HACD3: variants seen among roughly 807,000 people sequenced by gnomAD.
HACD3 encodes very-long-chain (3R)-3-hydroxyacyl-CoA dehydratase 3.
In HACD3, 30 loss-of-function variants were observed where a neutral mutation model predicts 55.2. The observed-to-expected ratio is 0.54, with a 90% CI of 0.41 to 0.74. The LOEUF is 0.74. HACD3 is among the 30% of genes least tolerant of loss of function. HACD3 has a pLI of 0.00. For missense variants in HACD3, 363 were observed against 440.1 expected (o/e 0.82, Z 1.57); for synonymous variants, 141 against 151.7 (o/e 0.93, Z 0.52).
Position 65,538,937 on chromosome 15 carries a change from G to C in HACD3, c.87+8219G>C, listed in dbSNP as rs150984076. On this transcript the variant is annotated intron_variant, in intron 1 of 10. Coordinates refer to ENST00000261875, the MANE Select transcript of HACD3 (RefSeq NM_016395.4). The stretch of plus-strand genomic sequence containing the variant: ...TAGCAATGAAATATTTTAAAGTTAA[G>C]GTATGTACACTGTTTTTTAGAATAA... 3.5e-3 allele frequency among the ~76,000 whole-genome samples: 530 copies of C among 152,168 alleles called. 3 individuals are homozygous for C. The highest frequency in any genetic ancestry group is 0.012 in the African/African-American group (511 of 41,526).
intron 1 of HACD3, among the ~76,000 whole-genome samples, chr15:65,545,200 C>A (rs561648605): frequency 1.3e-5 from 2 of 152,130 alleles, no homozygotes; most frequent in African/African-American, 4.8e-5. Flanking sequence ...GTGGAAAGTT[C>A]TGGCAGTCAC....
At chr15:65,535,912 A>C in intron 1 of HACD3, 1 of 450,082 alleles carries the variant, frequency 2.2e-6, no homozygotes, top group Non-Finnish European at 4.0e-6. Context: ...CTGGTCTTGA[A>C]CTCCTGGACT....
chr15:65,555,220 C>G (rs114174478), intron 3 of HACD3, among the ~76,000 whole-genome samples: 115 of 152,250 alleles, frequency 7.6e-4, no homozygotes, highest in African/African-American at 2.6e-3. Flanking sequence ...TTCTGGTGTT[C>G]TCATGTGTTA....
At chr15:65,551,492 G>A (rs182479168) in intron 1 of HACD3, among the ~76,000 whole-genome samples, 184 bp from the exon 2 acceptor site, 25 of 152,326 alleles carry the variant, frequency 1.6e-4, no homozygotes, top group Admixed American at 1.2e-3. Flanking sequence ...TCTTAGATAG[G>A]TACAGACAGA....
chr15:65,570,272 G>T, intron 8 of HACD3, 69 bp downstream of exon 8: 2 of 1,146,882 alleles, frequency 1.7e-6, no homozygotes, highest in Non-Finnish European at 2.6e-6. Context: ...TCTTGAGGGA[G>T]TTGTTATCTT....
At chr15:65,563,920 A>G (rs1167249118) in intron 6 of HACD3, among the ~76,000 whole-genome samples, 2 of 152,092 alleles carry the variant, frequency 1.3e-5, no homozygotes, top group East Asian at 3.9e-4. Context: ...CAGTGAGCCA[A>G]GATCGTGCCA....
chr15:65,530,555 G>A lies in HACD3; in HGVS notation c.-77G>A, dbSNP rs930542131. On this transcript the variant is annotated 5_prime_UTR_variant, in exon 1 of 11. Transcript: ENST00000261875. ...CGCTAGGGTTTGAGGCCTGCTTTCT[G>A]CTCGCGCCAGCAGAGCACTACCTGA... The A allele has an allele frequency of 2.4e-5, 32 of 1,359,014 alleles. No homozygotes were observed. The highest frequency in any genetic ancestry group is 2.9e-5 in the Non-Finnish European group (29 of 990,068). The allele number at this position is 1,359,014 out of a possible 1,614,324, so 84.2% of individuals were successfully genotyped here. A position where few individuals can be genotyped will look rare whatever the true frequency, so the allele number is the denominator to read the frequency against.
intron 7 of HACD3, chr15:65,566,690 T>C (rs1162889037): frequency 6.6e-6 from 1 of 152,214 alleles, no homozygotes; most frequent in Non-Finnish European, 1.5e-5. Flanking sequence ...ACCATATCTG[T>C]ATGTTACATT....
intron 1 of HACD3, chr15:65,535,740 G>T: frequency 1.8e-6 from 1 of 555,372 alleles, no homozygotes; most frequent in Non-Finnish European, 3.3e-6. Flanking sequence ...CTGTTGCCCA[G>T]GTTGGAGTGC....
In HACD3 at chr15:65,548,841, T is replaced by C. The variant is rs368679807; in HGVS notation, c.88-2835T>C. Among the ~76,000 whole-genome samples the C allele has an allele frequency of 3.0e-4, 46 of 152,270 alleles. No individual in the cohort carries two copies. In the East Asian group the frequency reaches 5.2e-3, roughly 17 times the overall value. On this transcript the variant is annotated intron_variant, in intron 1 of 10. Transcript: ENST00000261875. ...TAGGCCTCCCGAAGTGTTGGGATTA[T>C]AGGCATGAGCTACCTTGCCCAGCCA...
At chr15:65,574,111 A>T (rs2141227907) in intron 10 of HACD3, among the ~76,000 whole-genome samples, 1 of 152,346 alleles carries the variant, frequency 6.6e-6, no homozygotes, top group Non-Finnish European at 1.5e-5. Context: ...CCCAAAACTT[A>T]GCAGCTGAAA....
intron 1 of HACD3, 124 bp downstream of exon 1, chr15:65,530,842 C>T (rs983342960): frequency 4.3e-6 from 4 of 934,410 alleles, no homozygotes; most frequent in Admixed American, 3.2e-5. Flanking sequence ...AGGTCGGCGA[C>T]GCGGTGCGCT....
intron 1 of HACD3, among the ~76,000 whole-genome samples, chr15:65,547,832 C>G (rs537088494): frequency 6.6e-6 from 1 of 152,168 alleles, no homozygotes; most frequent in African/African-American, 2.4e-5. Context: ...TTTCAGTTCA[C>G]TTAACAGTTA....
At chr15:65,569,270 A>G (rs550095940) in intron 7 of HACD3, among the ~76,000 whole-genome samples, 2 of 151,190 alleles carry the variant, frequency 1.3e-5, no homozygotes, top group East Asian at 2.0e-4. Flanking sequence ...AACAAGACCA[A>G]AAAACATAGA....
chr15:65,537,792 C>A (rs74706739), intron 1 of HACD3, among the ~76,000 whole-genome samples: 172 of 63,270 alleles, frequency 2.7e-3, no homozygotes, highest in Admixed American at 4.0e-3. Context: ...GACTCTGTCT[C>A]AAAAAAAAAA....
rs1182157352 is a variant in HACD3, at chr15:65,577,845, A to G, written c.*1466A>G. On this transcript the variant is annotated 3_prime_UTR_variant, in exon 11 of 11. Coordinates refer to ENST00000261875, the MANE Select transcript of HACD3 (RefSeq NM_016395.4). ...AGGATTTCTGGCAGGAAACTCACAA[A>G]AAGGAGAACTGAAAATTTAGACATA... 3 of 152,618 alleles carry G rather than the reference A, an allele frequency of 2.0e-5. No homozygotes were observed. Among genetic ancestry groups the G allele is most frequent in the Non-Finnish European group, 4.4e-5 (3 of 68,040 alleles). 9.5% of individuals were successfully genotyped at this position (152,618 alleles called of 1,614,324 possible).
At chr15:65,533,684 C>T (rs188707358) in intron 1 of HACD3, among the ~76,000 whole-genome samples, 15 of 148,602 alleles carry the variant, frequency 1.0e-4, no homozygotes, top group Admixed American at 4.0e-4. Context: ...TCTTTCTCAA[C>T]TGATTGCTCT....
At chr15:65,541,799 T>C (rs1013601414) in intron 1 of HACD3, among the ~76,000 whole-genome samples, 1 of 152,180 alleles carries the variant, frequency 6.6e-6, no homozygotes, top group Non-Finnish European at 1.5e-5. Context: ...ATACACCCAA[T>C]TGAGTATTAT....
chr15:65,577,480 C>T lies in HACD3; in HGVS notation c.*1101C>T, dbSNP rs1244054789. 2 of 152,186 alleles carry T rather than the reference C, an allele frequency of 1.3e-5. No homozygotes were observed. Among genetic ancestry groups the T allele is most frequent in the Non-Finnish European group, 2.9e-5 (2 of 68,370 alleles). 9.4% of individuals were successfully genotyped at this position (152,186 alleles called of 1,614,324 possible). A position where few individuals can be genotyped will look rare whatever the true frequency, so the allele number is the denominator to read the frequency against. On this transcript the variant is annotated 3_prime_UTR_variant, in exon 11 of 11. Coordinates refer to ENST00000261875, the MANE Select transcript of HACD3 (RefSeq NM_016395.4). Reference sequence around the variant, plus strand: ...ACATACACACACACACACACGAGGTCCAAATGGTAGCAGGGATCCAAAGGG... The same window carrying T: ...ACATACACACACACACACACGAGGTTCAAATGGTAGCAGGGATCCAAAGGG...
Sources: gnomAD v4.1 joint callset for allele counts (sites outside exome capture counted in the v4.1 genomes callset) on GRCh38, gnomAD v4.1.1 for gene constraint, MANE v1.5 for transcripts, NCBI Gene and HGNC (gene_info 2026-07-23, HGNC 2026-07-21) for gene names.